The following ST7 variants were observed in gnomAD, a reference collection of about 807,000 sequenced individuals.
ST7 encodes the protein suppression of tumorigenicity 7.
ST7 carries 28 observed loss-of-function variants against 78.7 expected under a neutral mutation model. The ratio of observed to expected loss-of-function variants is 0.36; its 90% confidence interval spans 0.26 to 0.49. The LOEUF is 0.49. Ranked by LOEUF, ST7 falls within the 20% of genes least tolerant of loss-of-function variation. ST7 has a pLI of 0.99. For synonymous variants in ST7, 247 were observed against 249.6 expected, an observed-to-expected ratio of 0.99 and a Z score of 0.10; for missense variants, 418 against 696.0, an observed-to-expected ratio of 0.60 and a Z score of 4.49.
At chr7:117,150,162 G>A (rs1201392484) in intron 9 of ST7, among the ~76,000 whole-genome samples, 1 of 152,132 alleles carries the variant, frequency 6.6e-6, no homozygotes, top group Non-Finnish European at 1.5e-5. Context: ...GTGGGAAGGA[G>A]AAACTGGAGT....
intron 13 of ST7, among the ~76,000 whole-genome samples, chr7:117,214,105 A>G (rs1792500290): frequency 6.6e-6 from 1 of 152,072 alleles, no homozygotes; most frequent in African/African-American, 2.4e-5. Context: ...GATCTTTTCA[A>G]GGCTGTGTTT....
At chr7:117,061,635 G>A (rs549644902) in intron 1 of ST7, among the ~76,000 whole-genome samples, 1 of 152,146 alleles carries the variant, frequency 6.6e-6, no homozygotes, top group East Asian at 1.9e-4. Context: ...CACAAGGGAA[G>A]AATATAAATT....
intron 3 of ST7, among the ~76,000 whole-genome samples, chr7:117,120,784 A>G (rs1803307069): frequency 6.6e-6 from 1 of 152,130 alleles, no homozygotes; most frequent in African/African-American, 2.4e-5. Context: ...TAGTATCTCT[A>G]GCATCTTGCA....
At chr7:117,192,008 G>A (rs753885007) in intron 12 of ST7, among the ~76,000 whole-genome samples, 2 of 152,114 alleles carry the variant, frequency 1.3e-5, no homozygotes, top group Non-Finnish European at 2.9e-5. Context: ...TCACTTAGCA[G>A]GAAATTGAAG....
At chr7:117,072,421 T>G (rs1245635233) in intron 1 of ST7, 1 of 152,212 alleles carries the variant, frequency 6.6e-6, no homozygotes, top group African/African-American at 2.4e-5. Flanking sequence ...ACGACCTACA[T>G]CATTGTTCAG....
At chr7:117,181,658 T>C (rs149264898) in intron 10 of ST7, among the ~76,000 whole-genome samples, 2 of 152,196 alleles carry the variant, frequency 1.3e-5, no homozygotes, top group African/African-American at 4.8e-5. Context: ...TTTAAAAGAA[T>C]GTATCAAGTC....
At chr7:117,119,164 A>G (rs1004480896) in intron 2 of ST7, among the ~76,000 whole-genome samples, 1 of 152,232 alleles carries the variant, frequency 6.6e-6, no homozygotes, top group Non-Finnish European at 1.5e-5. Context: ...TTTTATCAGA[A>G]TATAAAGTGC....
intron 1 of ST7, among the ~76,000 whole-genome samples, chr7:116,983,471 C>T (rs1794052357): frequency 6.6e-6 from 1 of 152,168 alleles, no homozygotes; most frequent in Admixed American, 6.5e-5. Context: ...TGAGCATCCT[C>T]CTCAGAGGCC....
intron 3 of ST7, among the ~76,000 whole-genome samples, chr7:117,127,027 T>A (rs1347126578): frequency 6.6e-6 from 1 of 151,890 alleles, no homozygotes; most frequent in Non-Finnish European, 1.5e-5. Flanking sequence ...AGCATGTTTG[T>A]TGTATCAAGG....
chr7:116,966,247 C>G, intron 1 of ST7: 1 of 172,678 alleles, frequency 5.8e-6, no homozygotes, highest in South Asian at 7.6e-5. Flanking sequence ...TTTTTTCTTT[C>G]TTTTTTTTTT....
intron 15 of ST7, among the ~76,000 whole-genome samples, chr7:117,227,234 C>CT (rs1262948492): frequency 6.6e-6 from 1 of 152,214 alleles, no homozygotes; most frequent in African/African-American, 2.4e-5. Context: ...TGCCTGTTAT[C>CT]TAGCTGCGCT....
intron 1 of ST7, among the ~76,000 whole-genome samples, chr7:117,046,423 TC>T (rs576243978): frequency 3.1e-4 from 47 of 152,226 alleles, no homozygotes; most frequent in Non-Finnish European, 5.3e-4. Flanking sequence ...TGGCTTTTCT[TC>T]CCTTTTCTGC....
chr7:117,074,881 G>A (rs578102425), intron 1 of ST7, among the ~76,000 whole-genome samples: 1 of 152,226 alleles, frequency 6.6e-6, no homozygotes, highest in Admixed American at 6.5e-5. Context: ...TTTTGTATTT[G>A]TATTCTTTTT....
intron 1 of ST7, among the ~76,000 whole-genome samples, chr7:117,060,036 C>A (rs1798270320): frequency 6.6e-6 from 1 of 152,132 alleles, no homozygotes; most frequent in Non-Finnish European, 1.5e-5. Context: ...TTAATATATT[C>A]CTGACCTTGG....
chr7:117,001,682 G>T (rs1354798246), intron 1 of ST7, among the ~76,000 whole-genome samples: 2 of 152,016 alleles, frequency 1.3e-5, no homozygotes, highest in Non-Finnish European at 2.9e-5. Flanking sequence ...ACAGTTTAGT[G>T]TTATTATCTT....
intron 1 of ST7, among the ~76,000 whole-genome samples, chr7:117,048,028 G>A (rs1429442934): frequency 6.6e-6 from 1 of 152,092 alleles, no homozygotes; most frequent in Non-Finnish European, 1.5e-5. Flanking sequence ...CGCATATTTT[G>A]TATAAGTATT....
At chr7:117,084,798 C>T (rs997591408) in intron 1 of ST7, among the ~76,000 whole-genome samples, 1 of 152,166 alleles carries the variant, frequency 6.6e-6, no homozygotes. Flanking sequence ...TCAACCATTA[C>T]AAATTGTGAT....
At chr7:117,161,069 A>T (rs1807103196) in intron 9 of ST7, among the ~76,000 whole-genome samples, 1 of 151,858 alleles carries the variant, frequency 6.6e-6, no homozygotes, top group South Asian at 2.1e-4. Flanking sequence ...GGGGAAAATT[A>T]TCTAAATATT....
intron 10 of ST7, among the ~76,000 whole-genome samples, chr7:117,185,987 T>C (rs1476711542): frequency 6.6e-6 from 1 of 152,192 alleles, no homozygotes; most frequent in Non-Finnish European, 1.5e-5. Flanking sequence ...TAACAATAAC[T>C]AATAGAACAG....
Sources: allele counts gnomAD v4.1 joint callset (sites outside exome capture counted in the v4.1 genomes callset), GRCh38; gene constraint gnomAD v4.1.1; transcripts MANE v1.5; gene names NCBI Gene and HGNC (gene_info 2026-07-23, HGNC 2026-07-21).